The following WDR43 variants were observed in gnomAD, a reference collection of about 807,000 sequenced individuals.
WDR43 encodes the protein WD repeat-containing protein 43.
In WDR43, 13 loss-of-function variants were observed where a neutral mutation model predicts 91.4. The observed-to-expected ratio is 0.14, with a 90% CI of 0.09 to 0.23. The LOEUF is 0.23. Among genes scored for constraint, WDR43 ranks in the 10% least tolerant of loss-of-function variants. The pLI is 1.00. For synonymous variants in WDR43, 331 were observed against 287.9 expected (o/e 1.15, Z -1.51); for missense variants, 780 against 809.4 (o/e 0.96, Z 0.44).
intron 5 of WDR43, among the ~76,000 whole-genome samples, chr2:28,915,751 G>A (rs1394289126): frequency 6.6e-6 from 1 of 152,064 alleles, no homozygotes; most frequent in Non-Finnish European, 1.5e-5. Context: ...GCTGAATGAA[G>A]ATTAAAAGAT....
At chr2:28,899,559 T>C (rs1670542394) in intron 1 of WDR43, among the ~76,000 whole-genome samples, 1 of 152,222 alleles carries the variant, frequency 6.6e-6, no homozygotes, top group South Asian at 2.1e-4. Context: ...TGGATGCTTT[T>C]AAATGCCATA....
intron 1 of WDR43, among the ~76,000 whole-genome samples, chr2:28,898,572 G>A (rs1213632470): frequency 1.3e-5 from 2 of 152,164 alleles, no homozygotes; most frequent in South Asian, 2.1e-4. Flanking sequence ...AATGGATTAG[G>A]AGACTAATTG....
chr2:28,924,258 T>A (rs751010918), intron 7 of WDR43, among the ~76,000 whole-genome samples: 2 of 151,756 alleles, frequency 1.3e-5, no homozygotes, highest in African/African-American at 2.4e-5. Context: ...TCATTTAGAG[T>A]AATGTTAGAA....
chr2:28,914,597 G>A (rs1179850729), intron 5 of WDR43, among the ~76,000 whole-genome samples: 1 of 152,178 alleles, frequency 6.6e-6, no homozygotes, highest in South Asian at 2.1e-4. Context: ...CCTTTTTGCA[G>A]TAGCTGCTAT....
At chr2:28,934,022 C>CT (rs1211272737) in intron 11 of WDR43, among the ~76,000 whole-genome samples, 3 of 152,192 alleles carry the variant, frequency 2.0e-5, no homozygotes, top group Non-Finnish European at 4.4e-5. Flanking sequence ...CATACAAAGA[C>CT]TTCCTCATGA....
intron 11 of WDR43, among the ~76,000 whole-genome samples, chr2:28,935,108 A>T (rs1372383824): frequency 6.6e-6 from 1 of 152,170 alleles, no homozygotes; most frequent in African/African-American, 2.4e-5. Flanking sequence ...CAAAATTTTG[A>T]CACCTACTTT....
At chr2:28,902,255 G>T in intron 2 of WDR43, 131 bp downstream of exon 2, 1 of 896,762 alleles carries the variant, frequency 1.1e-6, no homozygotes, top group Non-Finnish European at 1.6e-6. Flanking sequence ...TCTCATCTAC[G>T]TTTAAATAAC....
At chr2:28,937,027 C>T in intron 13 of WDR43, 74 bp downstream of exon 13, 2 of 1,428,894 alleles carry the variant, frequency 1.4e-6, no homozygotes, top group South Asian at 2.6e-5. Context: ...GTTCTGATTT[C>T]TAACTAATAA....
chr2:28,944,489 A>G (rs1671506257), intron 16 of WDR43, among the ~76,000 whole-genome samples: 1 of 152,252 alleles, frequency 6.6e-6, no homozygotes, highest in South Asian at 2.1e-4. Flanking sequence ...TAAAACATAT[A>G]TGTAGAGATT....
intron 1 of WDR43, 131 bp downstream of exon 1, chr2:28,895,054 T>TCGGCGC: frequency 1.0e-6 from 1 of 967,568 alleles, no homozygotes; most frequent in Middle Eastern, 3.6e-4. Context: ...GGAGGCGGCG[T>TCGGCGC]CGGCGCGTTC....
In WDR43 at chr2:28,942,312, G is replaced by T; in HGVS notation, c.1735G>T (p.Val579Leu). ...AGAACAGTACTTTATCTTCTTCCAG[G>T]TAACAGCATCAGAGAAGACAAAGGG... is the stretch of plus-strand genomic sequence containing the variant. ...HGKLILLITQ[V>L]TASEKTKGAT... Residue 579 changes from valine to leucine, a missense_variant and splice_region_variant, in exon 16 of 18, where the codon GTA becomes TTA. By Grantham distance (32) the Val-to-Leu change is conservative. This residue lies in a region of WDR43 where 426 missense variants were observed against 467.8 expected (regional missense o/e 0.91). Coordinates refer to ENST00000407426, the MANE Select transcript of WDR43 (RefSeq NM_015131.3). 1 of 1,613,064 alleles carries T rather than the reference G, an allele frequency of 6.2e-7. No individual in the cohort carries two copies. Among genetic ancestry groups the T allele is most frequent in the African/African-American group, 1.3e-5 (1 of 75,008 alleles).
chr2:28,925,746 A>G (rs73920401), intron 8 of WDR43, among the ~76,000 whole-genome samples: 4,935 of 152,294 alleles, frequency 0.032, 263 homozygotes, highest in African/African-American at 0.11. Flanking sequence ...CAGCAAGACT[A>G]TGAGTGGAAT....
intron 14 of WDR43, among the ~76,000 whole-genome samples, chr2:28,939,548 T>C (rs1671396387): frequency 6.6e-6 from 1 of 152,188 alleles, no homozygotes; most frequent in African/African-American, 2.4e-5. Flanking sequence ...TTCCTTCCTT[T>C]GCTGATATTT....
At chr2:28,946,401 C>T in intron 16 of WDR43, 49 bp from the exon 17 acceptor site, 3 of 1,559,466 alleles carry the variant, frequency 1.9e-6, no homozygotes, top group Non-Finnish European at 2.6e-6. Flanking sequence ...CCAGGCTGTA[C>T]CCTCTGTTTT....
chr2:28,900,700 A>G lies in WDR43; in HGVS notation c.226-1287A>G, dbSNP rs193254658. ...CTAAAATTGAGGTTTCAATGTTTCA[A>G]CAAGTTAAATGAGACCATCAGACTT... On this transcript the variant is annotated intron_variant, in intron 1 of 17. Coordinates refer to ENST00000407426, the MANE Select transcript of WDR43 (RefSeq NM_015131.3). Among the ~76,000 whole-genome samples, 9 of 152,356 alleles carry G rather than the reference A, an allele frequency of 5.9e-5. No individual in the cohort carries two copies. In the East Asian group the frequency reaches 1.2e-3, roughly 20 times the overall value.
chr2:28,942,256 T>C, intron 15 of WDR43, 56 bp from the exon 16 acceptor site: 1 of 1,562,394 alleles, frequency 6.4e-7, no homozygotes, highest in Non-Finnish European at 8.7e-7. Flanking sequence ...CTGGTGGTCG[T>C]GATACTTGGG....
In WDR43 at chr2:28,948,114, C is replaced by A. The variant is rs1172650026; in HGVS notation, c.*1335C>A. ...AGCATCTTGGGAAAGCAAGTTTGAA[C>A]CAGCTGCTGGTGTAATGTACAGTTA... is the stretch of plus-strand genomic sequence containing the variant. On this transcript the variant is annotated 3_prime_UTR_variant, in exon 18 of 18. Coordinates refer to ENST00000407426, the MANE Select transcript of WDR43 (RefSeq NM_015131.3). 1 of 152,080 alleles carries A rather than the reference C, an allele frequency of 6.6e-6. No homozygotes were observed. The highest frequency in any genetic ancestry group is 1.5e-5 in the Non-Finnish European group (1 of 68,026). 9.4% of individuals were successfully genotyped at this position (152,080 alleles called of 1,614,324 possible).
chr2:28,895,135 C>T (rs571879672), intron 1 of WDR43: 130 of 399,504 alleles, frequency 3.3e-4, no homozygotes, highest in Middle Eastern at 2.8e-3. Flanking sequence ...CTCGACCCGG[C>T]CGGCCTCGTA....
rs750107651 is a variant in WDR43, at chr2:28,902,012, A to G, written c.251A>G (p.Lys84Arg). 1.0e-5 allele frequency: 16 copies of G among 1,592,578 alleles called. No homozygotes were observed. Among genetic ancestry groups the G allele is most frequent in the Non-Finnish European group, 1.4e-5 (16 of 1,175,028 alleles). Residue 84 changes from lysine (K) to arginine (R), a missense_variant, in exon 2 of 18, where the codon AAA becomes AGA. Physicochemically the swap from Lys to Arg is conservative, Grantham distance 26 (BLOSUM62 2). Around this residue, in one of 4 missense-constraint regions of WDR43, gnomAD observed 175 missense variants for 113.8 expected, o/e 1.54. Coordinates refer to ENST00000407426, the MANE Select transcript of WDR43 (RefSeq NM_015131.3). ...GAAAGTCCCCAGAGGAAAAAAAGGA[A>G]ATCAGAAGCTGTAGGAATGAGTAAC... ...AKESPQRKKRKSEAVGMSNQT... is the reference protein window; with the variant it reads ...AKESPQRKKRRSEAVGMSNQT...
Sources: allele counts gnomAD v4.1 joint callset (sites outside exome capture counted in the v4.1 genomes callset), GRCh38; gene constraint gnomAD v4.1.1; regional missense constraint gnomAD v4.1.1; transcripts MANE v1.5; gene names NCBI Gene and HGNC (gene_info 2026-07-23, HGNC 2026-07-21).